Variants in SNTG2 observed in about 807,000 individuals in gnomAD.
SNTG2 encodes the protein syntrophin gamma 2.
A neutral mutation model predicts 70.9 loss-of-function variants in SNTG2; 74 were observed. The observed-to-expected ratio is 1.04, with a 90% CI of 0.86 to 1.27. SNTG2 has a LOEUF of 1.27. SNTG2 is among the 50% of genes most tolerant of loss of function. The pLI is 0.00. For synonymous variants in SNTG2, 278 were observed against 273.8 expected, an observed-to-expected ratio of 1.02 and a Z score of -0.15; for missense variants, 717 against 690.7, an observed-to-expected ratio of 1.04 and a Z score of -0.43.
intron 8 of SNTG2, among the ~76,000 whole-genome samples, chr2:1,190,081 A>C (rs1294514214): frequency 6.6e-6 from 1 of 152,148 alleles, no homozygotes; most frequent in African/African-American, 2.4e-5. Flanking sequence ...ATCTTAATTA[A>C]ATTAAAAAGC....
chr2:1,042,264 C>T (rs1352213547), intron 1 of SNTG2, among the ~76,000 whole-genome samples: 2 of 152,286 alleles, frequency 1.3e-5, no homozygotes, highest in Non-Finnish European at 2.9e-5. Flanking sequence ...ATTGGAATTA[C>T]ATTGACTATT....
intron 1 of SNTG2, among the ~76,000 whole-genome samples, chr2:1,072,114 C>T (rs1663600315): frequency 6.6e-6 from 1 of 152,150 alleles, no homozygotes; most frequent in African/African-American, 2.4e-5. Context: ...CAGCTAAGAT[C>T]ATTGATGAGG....
intron 16 of SNTG2, among the ~76,000 whole-genome samples, chr2:1,364,247 G>T (rs1353744421): frequency 6.6e-6 from 1 of 151,752 alleles, no homozygotes; most frequent in Non-Finnish European, 1.5e-5. Context: ...CTCCCAAAGT[G>T]CTGGGATTAC....
At chr2:1,269,954 AG>A (rs1319105008) in intron 14 of SNTG2, among the ~76,000 whole-genome samples, 1 of 152,118 alleles carries the variant, frequency 6.6e-6, no homozygotes, top group Admixed American at 6.5e-5. Context: ...ACTGTTGGGA[AG>A]AACTTCTGGG....
intron 1 of SNTG2, among the ~76,000 whole-genome samples, chr2:1,009,795 A>C (rs7560698): frequency 0.13 from 18,194 of 140,256 alleles, 2,053 homozygotes; most frequent in Middle Eastern, 0.18. Context: ...TTCTCTCCTC[A>C]TTTTCCCTTT....
Position 1,165,577 on chromosome 2 carries a change from A to C in SNTG2, c.441A>C (p.Glu147Asp). 1.2e-6 allele frequency: 2 copies of C among 1,612,322 alleles called. No individual in the cohort carries two copies. The highest frequency in any genetic ancestry group is 1.3e-5 in the African/African-American group (1 of 75,010). The part of the protein sequence containing the change: ...VVHLLRNAGD[E>D]VTITVEYLRE... Reference sequence around the variant, plus strand: ...ATCTGCTGAGAAATGCTGGCGATGAAGTTACCATCACCGTTGAGTATCTCA... The same window carrying C: ...ATCTGCTGAGAAATGCTGGCGATGACGTTACCATCACCGTTGAGTATCTCA... The change falls in exon 7 of 17, where the codon GAA becomes GAC. Residue 147 changes from glutamate (E) to aspartate (D), a missense_variant. Glu to Asp is a conservative substitution (Grantham distance 45). Coordinates refer to ENST00000308624, the MANE Select transcript of SNTG2 (RefSeq NM_018968.4).
chr2:1,234,600 T>C (rs1383291052), intron 9 of SNTG2, among the ~76,000 whole-genome samples: 1 of 152,204 alleles, frequency 6.6e-6, no homozygotes, highest in African/African-American at 2.4e-5. Context: ...CATGAAGCTA[T>C]GGCATAAACG....
chr2:1,022,793 C>T (rs1660265745), intron 1 of SNTG2, among the ~76,000 whole-genome samples: 1 of 152,160 alleles, frequency 6.6e-6, no homozygotes, highest in African/African-American at 2.4e-5. Flanking sequence ...CTTCTTTCCC[C>T]CTTCCATGAG....
intron 14 of SNTG2, among the ~76,000 whole-genome samples, chr2:1,299,769 T>A (rs1558188927): frequency 6.6e-6 from 1 of 152,136 alleles, no homozygotes; most frequent in Non-Finnish European, 1.5e-5. Flanking sequence ...GACCAGCCCG[T>A]CCTCTGTGCC....
chr2:1,242,830 G>C (rs915443708), intron 11 of SNTG2: 1 of 152,168 alleles, frequency 6.6e-6, no homozygotes, highest in African/African-American at 2.4e-5. Context: ...CTCTCTTATA[G>C]AAATGGTATC....
chr2:1,231,406 C>T (rs1368689820), intron 9 of SNTG2, among the ~76,000 whole-genome samples: 1 of 152,216 alleles, frequency 6.6e-6, no homozygotes, highest in Non-Finnish European at 1.5e-5. Context: ...GAGTGATGGC[C>T]TTTATTTAGT....
At chr2:1,053,281 A>G (rs186117733) in intron 1 of SNTG2, among the ~76,000 whole-genome samples, 2 of 151,944 alleles carry the variant, frequency 1.3e-5, no homozygotes, top group Non-Finnish European at 2.9e-5. Context: ...GTTTTTCATT[A>G]TATGCTATGA....
At chr2:1,076,741 C>T (rs1663942203) in intron 1 of SNTG2, among the ~76,000 whole-genome samples, 1 of 152,056 alleles carries the variant, frequency 6.6e-6, no homozygotes, top group Non-Finnish European at 1.5e-5. Context: ...TATTAAGAAA[C>T]TCACCTTAAA....
rs189724810 is a variant in SNTG2 at position 967,236 on chromosome 2, C to T, written c.72+16168C>T. Among the ~76,000 whole-genome samples, 182 of 152,106 alleles carry T rather than the reference C, an allele frequency of 1.2e-3. 1 individual carries two copies. Among genetic ancestry groups the T allele is most frequent in the African/African-American group, 2.7e-3 (114 of 41,510 alleles). Reference sequence around the variant, plus strand: ...TTTTTTTTCTATTGACCTATTGTAACGGGTAAAACCACAAATATGCTATTT... The same window carrying T: ...TTTTTTTTCTATTGACCTATTGTAATGGGTAAAACCACAAATATGCTATTT... On this transcript the variant is annotated intron_variant, in intron 1 of 16. Coordinates refer to ENST00000308624, the MANE Select transcript of SNTG2 (RefSeq NM_018968.4).
chr2:1,030,973 C>T (rs951878636), intron 1 of SNTG2, among the ~76,000 whole-genome samples: 1 of 152,110 alleles, frequency 6.6e-6, no homozygotes, highest in Non-Finnish European at 1.5e-5. Flanking sequence ...ATTCTTTAAG[C>T]AAGTGGTAGT....
chr2:1,351,686 C>A (rs1189708180), intron 16 of SNTG2, among the ~76,000 whole-genome samples: 1 of 152,176 alleles, frequency 6.6e-6, no homozygotes, highest in African/African-American at 2.4e-5. Context: ...TCTCTGTCAC[C>A]AGTTGTTTCT....
intron 1 of SNTG2, among the ~76,000 whole-genome samples, chr2:990,396 G>A (rs1661451487): frequency 1.3e-5 from 2 of 152,204 alleles, no homozygotes; most frequent in African/African-American, 4.8e-5. Flanking sequence ...AGATGTAGGT[G>A]TTGGGAGTTG....
At chr2:1,204,621 C>T (rs572921784) in intron 8 of SNTG2, among the ~76,000 whole-genome samples, 103 of 152,218 alleles carry the variant, frequency 6.8e-4, no homozygotes, top group African/African-American at 2.2e-3. Context: ...CACAAGGAGA[C>T]GGAGGAGTAC....
At chr2:1,155,081 C>T (rs1669780853) in intron 6 of SNTG2, among the ~76,000 whole-genome samples, 2 of 150,752 alleles carry the variant, frequency 1.3e-5, no homozygotes, top group African/African-American at 4.9e-5. Flanking sequence ...ACACAGCACA[C>T]ACACCATACA....
Sources: allele counts gnomAD v4.1 joint callset (sites outside exome capture counted in the v4.1 genomes callset), GRCh38; gene constraint gnomAD v4.1.1; transcripts MANE v1.5; gene names NCBI Gene and HGNC (gene_info 2026-07-23, HGNC 2026-07-21).